GPC5: variants seen among roughly 807,000 people sequenced by gnomAD.
GPC5 encodes glypican-5.
GPC5 carries 47 observed loss-of-function variants against 53.9 expected under a neutral mutation model. That is an observed-to-expected ratio of 0.87 (90% CI 0.69 to 1.11). The LOEUF (loss-of-function observed/expected upper bound fraction) is 1.11. Among genes scored for constraint, GPC5 ranks in the 50% most tolerant of loss-of-function variants. The probability of loss-of-function intolerance (pLI) is 0.00; values close to 1 mark genes in which losing one functional copy is unlikely to be tolerated. For missense variants in GPC5, 748 were observed against 713.1 expected (o/e 1.05, Z -0.56); for synonymous variants, 286 against 263.3 (o/e 1.09, Z -0.84).
chr13:91,618,887 A>G (rs1465380483), intron 2 of GPC5, among the ~76,000 whole-genome samples: 1 of 152,090 alleles, frequency 6.6e-6, no homozygotes, highest in African/African-American at 2.4e-5. Flanking sequence ...TTCAAGGCCT[A>G]TATTTAAAGC....
At chr13:92,089,921 A>T (rs2041366012) in intron 6 of GPC5, among the ~76,000 whole-genome samples, 1 of 152,196 alleles carries the variant, frequency 6.6e-6, no homozygotes, top group South Asian at 2.1e-4. Flanking sequence ...GTATAAGAAG[A>T]CAATGTTTAA....
At chr13:92,797,254 TA>T (rs559469036) in intron 7 of GPC5, among the ~76,000 whole-genome samples, 28 of 152,068 alleles carry the variant, frequency 1.8e-4, no homozygotes, top group Middle Eastern at 6.8e-3. Context: ...AACCTGTTTT[TA>T]AAAAATAATC....
chr13:92,608,980 T>C (rs1402070807), intron 7 of GPC5, among the ~76,000 whole-genome samples: 1 of 152,234 alleles, frequency 6.6e-6, no homozygotes, highest in Non-Finnish European at 1.5e-5. Flanking sequence ...CTGTTTTTCC[T>C]GTCTTGAAAA....
chr13:91,662,887 C>T (rs577430592), intron 2 of GPC5, among the ~76,000 whole-genome samples: 4 of 152,358 alleles, frequency 2.6e-5, no homozygotes, highest in Admixed American at 6.5e-5. Flanking sequence ...TTTCCAAACA[C>T]AGCTTGGCTA....
chr13:91,817,931 A>G (rs1223682866), intron 5 of GPC5, among the ~76,000 whole-genome samples: 1 of 152,038 alleles, frequency 6.6e-6, no homozygotes. Context: ...AAAAACAACT[A>G]TAATTGGATT....
chr13:91,975,522 G>T (rs2040291491), intron 6 of GPC5, among the ~76,000 whole-genome samples: 1 of 152,202 alleles, frequency 6.6e-6, no homozygotes, highest in Non-Finnish European at 1.5e-5. Context: ...ATGAAAAAAT[G>T]CTCATCATCA....
chr13:92,738,910 T>A (rs1889013831), intron 7 of GPC5, among the ~76,000 whole-genome samples: 1 of 152,120 alleles, frequency 6.6e-6, no homozygotes, highest in Non-Finnish European at 1.5e-5. Flanking sequence ...ATAGAATTTT[T>A]AAAACTCATT....
At chr13:92,146,635 A>G (rs1015432677) in intron 7 of GPC5, among the ~76,000 whole-genome samples, 13 of 152,024 alleles carry the variant, frequency 8.6e-5, no homozygotes, top group African/African-American at 3.1e-4. Flanking sequence ...ATCGTACTCA[A>G]TTTGTAGTCT....
At chr13:91,593,926 A>AG (rs1395266691) in intron 2 of GPC5, among the ~76,000 whole-genome samples, 1 of 151,978 alleles carries the variant, frequency 6.6e-6, no homozygotes, top group Non-Finnish European at 1.5e-5. Context: ...AAAAAAAAAA[A>AG]GAATGTTATT....
intron 7 of GPC5, among the ~76,000 whole-genome samples, chr13:92,159,186 A>G (rs2041967755): frequency 6.6e-6 from 1 of 152,212 alleles, no homozygotes; most frequent in African/African-American, 2.4e-5. Context: ...CATTTCCCTG[A>G]TTCTCCTTCC....
chr13:91,716,776 C>A (rs936272419), intron 3 of GPC5, among the ~76,000 whole-genome samples: 3 of 152,230 alleles, frequency 2.0e-5, no homozygotes, highest in Admixed American at 6.5e-5. Flanking sequence ...GGTCTCCATG[C>A]GATCAGAAGG....
rs142041279 is a variant in GPC5, at chr13:92,628,393, A to C, written c.1562-237889A>C. On this transcript the variant is annotated intron_variant, in intron 7 of 7. Transcript: ENST00000377067. Reference sequence around the variant, plus strand: ...CGGGCTCATGCCACTCTCCTGCCTCAGCCTGAATTAATCCTATTTCAAATT... The same window carrying C: ...CGGGCTCATGCCACTCTCCTGCCTCCGCCTGAATTAATCCTATTTCAAATT... 2.1e-3 allele frequency among the ~76,000 whole-genome samples: 312 copies of C among 147,588 alleles called. 2 individuals carry two copies. The highest frequency in any genetic ancestry group is 7.7e-3 in the African/African-American group (309 of 39,972).
chr13:92,801,333 T>A (rs74567699), intron 7 of GPC5, among the ~76,000 whole-genome samples: 1 of 151,950 alleles, frequency 6.6e-6, no homozygotes, highest in African/African-American at 2.4e-5. Context: ...TATTGCCTGG[T>A]GGCATCTTAG....
At chr13:91,562,412 A>T (rs901567433) in intron 2 of GPC5, among the ~76,000 whole-genome samples, 1 of 151,942 alleles carries the variant, frequency 6.6e-6, no homozygotes, top group African/African-American at 2.4e-5. Context: ...CATACACTGA[A>T]TGTATTGTCT....
intron 7 of GPC5, among the ~76,000 whole-genome samples, chr13:92,840,155 G>A (rs975603316): frequency 3.6e-5 from 5 of 138,678 alleles, no homozygotes; most frequent in African/African-American, 8.1e-5. Flanking sequence ...TTTTTTGACC[G>A]ACATATTTCA....
At chr13:92,841,629 C>G (rs957196580) in intron 7 of GPC5, among the ~76,000 whole-genome samples, 2 of 152,042 alleles carry the variant, frequency 1.3e-5, no homozygotes, top group Non-Finnish European at 2.9e-5. Flanking sequence ...TTAAGTACTT[C>G]CTCCTTATTA....
At chr13:92,050,612 C>T (rs1228117800) in intron 6 of GPC5, among the ~76,000 whole-genome samples, 1 of 152,194 alleles carries the variant, frequency 6.6e-6, no homozygotes, top group Non-Finnish European at 1.5e-5. Context: ...CAAAGATAAA[C>T]TATTTTACCA....
chr13:91,475,984 G>A (rs907023764), intron 2 of GPC5, among the ~76,000 whole-genome samples: 6 of 152,170 alleles, frequency 3.9e-5, no homozygotes, highest in African/African-American at 2.4e-5. Context: ...GGAAATAAAC[G>A]AATCTGCTAT....
intron 7 of GPC5, among the ~76,000 whole-genome samples, chr13:92,631,645 C>T (rs576937495): frequency 8.5e-5 from 13 of 152,186 alleles, no homozygotes; most frequent in Admixed American, 4.6e-4. Flanking sequence ...ACTGCTTTTG[C>T]GCCAACCTAA....
Sources: gnomAD v4.1 joint callset for allele counts (sites outside exome capture counted in the v4.1 genomes callset) on GRCh38, gnomAD v4.1.1 for gene constraint, MANE v1.5 for transcripts, NCBI Gene and HGNC (gene_info 2026-07-23, HGNC 2026-07-21) for gene names.